Variants in CREB5 observed in about 807,000 individuals in gnomAD.
CREB5 encodes cAMP responsive element binding protein 5.
Under a neutral mutation model 57.1 loss-of-function variants are expected in CREB5, and 19 were observed. The ratio of observed to expected loss-of-function variants is 0.33; its 90% CI spans 0.23 to 0.49. The LOEUF is 0.49. Ranked by LOEUF, CREB5 falls within the 20% of genes least tolerant of loss-of-function variation. The pLI, the probability that CREB5 is intolerant of heterozygous loss-of-function variation, is 0.99. For synonymous variants in CREB5, 238 were observed against 238.3 expected, an observed-to-expected ratio of 1.00 and a Z score of 0.01; for missense variants, 579 against 671.6, an observed-to-expected ratio of 0.86 and a Z score of 1.52.
At chr7:28,437,385 A>G (rs200145694) in intron 1 of CREB5, among the ~76,000 whole-genome samples, 1 of 135,820 alleles carries the variant, frequency 7.4e-6, no homozygotes, top group African/African-American at 2.5e-5. Flanking sequence ...CTTTCTTGGT[A>G]CTCCGAATCA....
At chr7:28,725,645 T>TTAAAA (rs1554291839) in intron 7 of CREB5, among the ~76,000 whole-genome samples, 1 of 112,368 alleles carries the variant, frequency 8.9e-6, no homozygotes, top group Non-Finnish European at 2.1e-5. Flanking sequence ...TATCTTTTTT[T>TTAAAA]AAAAAAAAAA....
chr7:28,758,231 AG>A (rs745607568), intron 7 of CREB5, among the ~76,000 whole-genome samples: 1 of 152,196 alleles, frequency 6.6e-6, no homozygotes, highest in Non-Finnish European at 1.5e-5. Context: ...TTGTGCTCAC[AG>A]GTATCTGAGT....
Position 28,592,235 on chromosome 7 carries a change from C to T in CREB5, c.464+21698C>T, listed in dbSNP as rs900435016. Reference sequence around the variant, plus strand: ...ATGCAGGCCATGTGAACATTTGAAACGCTTTTAACAGTTAAACCAGCTCAA... The same window carrying T: ...ATGCAGGCCATGTGAACATTTGAAATGCTTTTAACAGTTAAACCAGCTCAA... On this transcript the variant is annotated intron_variant, in intron 5 of 10. Coordinates refer to ENST00000357727, the MANE Select transcript of CREB5 (RefSeq NM_182898.4). Among the ~76,000 whole-genome samples, 10 of 152,110 alleles carry T rather than the reference C, an allele frequency of 6.6e-5. No individual in the cohort carries two copies. In the South Asian group the frequency reaches 1.0e-3, roughly 16 times the overall value.
At chr7:28,736,489 A>G (rs1440021653) in intron 7 of CREB5, among the ~76,000 whole-genome samples, 1 of 152,178 alleles carries the variant, frequency 6.6e-6, no homozygotes, top group Non-Finnish European at 1.5e-5. Context: ...CACTCTGTGC[A>G]CTTACATATA....
At chr7:28,710,048 T>C (rs1802326362) in intron 5 of CREB5, among the ~76,000 whole-genome samples, 1 of 152,208 alleles carries the variant, frequency 6.6e-6, no homozygotes, top group Admixed American at 6.5e-5. Context: ...GGCCTTTTCT[T>C]ATGAAATGCC....
At chr7:28,764,403 T>G (rs1805842866) in intron 7 of CREB5, among the ~76,000 whole-genome samples, 1 of 151,566 alleles carries the variant, frequency 6.6e-6, no homozygotes, top group African/African-American at 2.4e-5. Flanking sequence ...TAATTTACCA[T>G]TAGCCATTTG....
At chr7:28,788,955 T>A (rs1320682268) in intron 7 of CREB5, among the ~76,000 whole-genome samples, 1 of 152,214 alleles carries the variant, frequency 6.6e-6, no homozygotes, top group Non-Finnish European at 1.5e-5. Flanking sequence ...TTACGTCTTC[T>A]GTATTCCTAC....
chr7:28,474,649 G>A (rs1332578737), intron 1 of CREB5, among the ~76,000 whole-genome samples: 1 of 152,136 alleles, frequency 6.6e-6, no homozygotes, highest in African/African-American at 2.4e-5. Context: ...GGTCCTTGAG[G>A]CATCTTCCAA....
intron 1 of CREB5, among the ~76,000 whole-genome samples, chr7:28,472,152 C>T (rs1053270838): frequency 1.6e-5 from 1 of 63,074 alleles, no homozygotes; most frequent in Admixed American, 1.8e-4. Context: ...ATAGTCAAAG[C>T]AAAAAAAAAA....
intron 5 of CREB5, among the ~76,000 whole-genome samples, chr7:28,577,970 A>T (rs568939066): frequency 3.9e-5 from 6 of 152,344 alleles, no homozygotes; most frequent in Admixed American, 6.5e-5. Context: ...CTAAAATAGT[A>T]AACATGTAAA....
intron 1 of CREB5, among the ~76,000 whole-genome samples, chr7:28,438,569 T>TA (rs1425385119): frequency 1.3e-5 from 2 of 152,214 alleles, no homozygotes; most frequent in African/African-American, 4.8e-5. Flanking sequence ...TGTCTGATGT[T>TA]ACCATACTGA....
At chr7:28,439,496 T>C (rs530413989) in intron 1 of CREB5, among the ~76,000 whole-genome samples, 3 of 152,296 alleles carry the variant, frequency 2.0e-5, no homozygotes, top group South Asian at 4.1e-4. Flanking sequence ...TAGCACTTAT[T>C]ATGTACTAGG....
intron 1 of CREB5, among the ~76,000 whole-genome samples, chr7:28,447,142 G>A (rs1789521817): frequency 6.6e-6 from 1 of 152,212 alleles, no homozygotes. Context: ...ATAGCACAGG[G>A]CTTGCAGGGC....
intron 7 of CREB5, among the ~76,000 whole-genome samples, chr7:28,789,169 A>C (rs1268664506): frequency 2.6e-5 from 4 of 152,236 alleles, no homozygotes; most frequent in African/African-American, 9.6e-5. Flanking sequence ...TTGTCACTAT[A>C]GATGCTAGTA....
intron 7 of CREB5, among the ~76,000 whole-genome samples, chr7:28,729,584 G>A (rs1803504602): frequency 6.6e-6 from 1 of 152,204 alleles, no homozygotes; most frequent in Admixed American, 6.5e-5. Context: ...GGCTCCAGAT[G>A]GAGTTGCCTG....
chr7:28,692,838 AAT>A (rs570256770), intron 5 of CREB5, among the ~76,000 whole-genome samples: 54 of 152,346 alleles, frequency 3.5e-4, no homozygotes, highest in Non-Finnish European at 6.9e-4. Flanking sequence ...CAACAAGAGT[AAT>A]TTCTTAAAGA....
chr7:28,456,987 T>A (rs1790120842), intron 1 of CREB5, among the ~76,000 whole-genome samples: 1 of 152,188 alleles, frequency 6.6e-6, no homozygotes, highest in Admixed American at 6.5e-5. Flanking sequence ...AAGAACATGG[T>A]GCTGTTACAT....
intron 4 of CREB5, among the ~76,000 whole-genome samples, chr7:28,533,638 A>T (rs2128623332): frequency 6.6e-6 from 1 of 152,226 alleles, no homozygotes; most frequent in Non-Finnish European, 1.5e-5. Flanking sequence ...CGGGTTTTTG[A>T]GCTCTCCATT....
chr7:28,542,045 GAAAAT>G (rs1310574590), intron 4 of CREB5, among the ~76,000 whole-genome samples: 1 of 152,186 alleles, frequency 6.6e-6, no homozygotes, highest in Non-Finnish European at 1.5e-5. Context: ...ACTAAGCAAA[GAAAAT>G]AAAAATGCAG....
Sources: gnomAD v4.1 joint callset for allele counts (sites outside exome capture counted in the v4.1 genomes callset) on GRCh38, gnomAD v4.1.1 for gene constraint, MANE v1.5 for transcripts, NCBI Gene and HGNC (gene_info 2026-07-23, HGNC 2026-07-21) for gene names.